CNTNAP2: variants seen among roughly 807,000 people sequenced by gnomAD.
CNTNAP2 encodes contactin-associated protein-like 2.
A neutral mutation model predicts 155.2 loss-of-function variants in CNTNAP2; 98 were observed. The observed-to-expected ratio is 0.63, with a 90% CI of 0.54 to 0.75. The LOEUF is 0.75. Ranked by LOEUF, CNTNAP2 falls within the 30% of genes least tolerant of loss-of-function variation. CNTNAP2 has a pLI of 0.00. For synonymous variants in CNTNAP2, 651 were observed against 631.2 expected (o/e 1.03, Z -0.47); for missense variants, 1,727 against 1,688.1 (o/e 1.02, Z -0.40).
chr7:147,256,082 A>G (rs1804318714), intron 8 of CNTNAP2, among the ~76,000 whole-genome samples: 1 of 152,188 alleles, frequency 6.6e-6, no homozygotes. Flanking sequence ...TGGGACTTTG[A>G]AAACTAAGAC....
At chr7:146,467,729 C>A (rs1796736252) in intron 1 of CNTNAP2, among the ~76,000 whole-genome samples, 1 of 152,042 alleles carries the variant, frequency 6.6e-6, no homozygotes, top group Non-Finnish European at 1.5e-5. Flanking sequence ...CTGTGCATCT[C>A]AAGGAAAACA....
chr7:147,516,417 T>C (rs1799128046), intron 11 of CNTNAP2, among the ~76,000 whole-genome samples: 1 of 152,214 alleles, frequency 6.6e-6, no homozygotes, highest in African/African-American at 2.4e-5. Context: ...CAAAACATTA[T>C]TAGGGGCCAA....
chr7:147,299,037 T>C (rs1228724880), intron 8 of CNTNAP2, among the ~76,000 whole-genome samples: 1 of 152,148 alleles, frequency 6.6e-6, no homozygotes, highest in African/African-American at 2.4e-5. Context: ...TAGAGTTCTC[T>C]TTCTTTTGTG....
chr7:147,005,235 A>C (rs577777205), intron 3 of CNTNAP2, among the ~76,000 whole-genome samples: 1 of 152,206 alleles, frequency 6.6e-6, no homozygotes, highest in East Asian at 1.9e-4. Flanking sequence ...GGAATATTTC[A>C]TAACTTTAAA....
At chr7:146,793,525 C>A (rs1802710813) in intron 2 of CNTNAP2, among the ~76,000 whole-genome samples, 1 of 152,116 alleles carries the variant, frequency 6.6e-6, no homozygotes, top group South Asian at 2.1e-4. Flanking sequence ...TAAGAGATGG[C>A]AGAATTATAA....
intron 15 of CNTNAP2, among the ~76,000 whole-genome samples, chr7:148,107,440 A>T (rs1024999368): frequency 2.6e-5 from 4 of 152,348 alleles, no homozygotes; most frequent in African/African-American, 9.6e-5. Flanking sequence ...GCCGTGAAAC[A>T]GGCTTGCTGG....
intron 3 of CNTNAP2, among the ~76,000 whole-genome samples, chr7:146,956,185 C>T (rs1355689516): frequency 1.3e-5 from 2 of 151,996 alleles, no homozygotes; most frequent in East Asian, 3.9e-4. Flanking sequence ...TATGTTTAGA[C>T]TTGGTATTAA....
At chr7:147,063,845 AAAATAT>A (rs1380746491) in intron 4 of CNTNAP2, among the ~76,000 whole-genome samples, 1 of 152,136 alleles carries the variant, frequency 6.6e-6, no homozygotes, top group African/African-American at 2.4e-5. Context: ...TGTAATATAA[AAAATAT>A]AAAAGCAGTA....
chr7:148,257,652 A>G (rs1242121795), intron 20 of CNTNAP2, among the ~76,000 whole-genome samples: 1 of 152,098 alleles, frequency 6.6e-6, no homozygotes, highest in Non-Finnish European at 1.5e-5. Context: ...GCTCTCAGCA[A>G]TGTGGTCCCA....
chr7:147,792,082 C>T (rs1415941976), intron 13 of CNTNAP2, among the ~76,000 whole-genome samples: 1 of 152,174 alleles, frequency 6.6e-6, no homozygotes, highest in Admixed American at 6.5e-5. Context: ...GGATGTGGTC[C>T]TCTCTCTGTG....
intron 21 of CNTNAP2, among the ~76,000 whole-genome samples, chr7:148,355,221 G>T (rs562002517): frequency 9.7e-6 from 1 of 102,732 alleles, no homozygotes; most frequent in Non-Finnish European, 1.8e-5. Context: ...TTGCTCTGTC[G>T]CCCAGGCTGG....
intron 9 of CNTNAP2, among the ~76,000 whole-genome samples, chr7:147,338,404 T>G (rs573974262): frequency 2.0e-5 from 3 of 152,284 alleles, no homozygotes; most frequent in African/African-American, 7.2e-5. Flanking sequence ...TTAATCACCT[T>G]TGAAGAGCAA....
intron 21 of CNTNAP2, among the ~76,000 whole-genome samples, chr7:148,329,783 C>T (rs1585277682): frequency 6.6e-6 from 1 of 152,206 alleles, no homozygotes; most frequent in Non-Finnish European, 1.5e-5. Flanking sequence ...GTTCTTTATC[C>T]AGCCTTATGC....
intron 5 of CNTNAP2, among the ~76,000 whole-genome samples, chr7:147,112,828 TTTGTTGTTGTTG>T (rs142550469): frequency 2.6e-5 from 4 of 151,536 alleles, no homozygotes; most frequent in South Asian, 2.1e-4. Context: ...TGCCCGAAGT[TTTGTTGTTGTTG>T]TTGTTGTTGT....
intron 1 of CNTNAP2, among the ~76,000 whole-genome samples, chr7:146,185,937 A>T (rs1405897018): frequency 6.6e-6 from 1 of 152,092 alleles, no homozygotes; most frequent in Non-Finnish European, 1.5e-5. Context: ...TAATTATCTT[A>T]TTCAGTAATC....
intron 11 of CNTNAP2, among the ~76,000 whole-genome samples, chr7:147,541,105 G>A (rs1163145236): frequency 6.6e-6 from 1 of 152,172 alleles, no homozygotes; most frequent in Non-Finnish European, 1.5e-5. Context: ...TTTTAAAAAT[G>A]TATACGATAT....
At chr7:146,189,811 C>T (rs1259428564) in intron 1 of CNTNAP2, among the ~76,000 whole-genome samples, 1 of 152,174 alleles carries the variant, frequency 6.6e-6, no homozygotes, top group Non-Finnish European at 1.5e-5. Context: ...TTAATGTAAT[C>T]ATTTGAAGCC....
At chr7:148,209,986 G>A (rs1795516125) in intron 18 of CNTNAP2, among the ~76,000 whole-genome samples, 3 of 152,124 alleles carry the variant, frequency 2.0e-5, no homozygotes, top group Non-Finnish European at 4.4e-5. Flanking sequence ...AATCTCACTG[G>A]CCTTCAATTA....
Position 147,548,286 on chromosome 7 carries a change from A to G in CNTNAP2, c.1778-13852A>G, listed in dbSNP as rs1048581537. 2.6e-5 allele frequency among the ~76,000 whole-genome samples: 4 copies of G among 152,142 alleles called. No individual in the cohort carries two copies. In the South Asian group the frequency reaches 6.2e-4, roughly 24 times the overall value. ...GCATCTATTGTTTTCTGACTTTTTA[A>G]TAATCGCCATTCTGACTGGTGTGAG... On this transcript the variant is annotated intron_variant, in intron 11 of 23. Transcript: ENST00000361727.
Sources: allele counts gnomAD v4.1 joint callset (sites outside exome capture counted in the v4.1 genomes callset), GRCh38; gene constraint gnomAD v4.1.1; transcripts MANE v1.5; gene names NCBI Gene and HGNC (gene_info 2026-07-23, HGNC 2026-07-21).